NCAM2: variants seen among roughly 807,000 people sequenced by gnomAD.
NCAM2 encodes the protein N-CAM-2.
NCAM2 carries 30 observed loss-of-function variants against 98.1 expected under a neutral mutation model. The observed-to-expected ratio is 0.31, with a 90% CI of 0.23 to 0.41. The LOEUF (loss-of-function observed/expected upper bound fraction) is 0.41, where lower values mean the gene tolerates loss of function less well. Ranked by LOEUF, NCAM2 falls within the 10% of genes least tolerant of loss-of-function variation. The probability of loss-of-function intolerance (pLI) is 1.00; values close to 1 mark genes in which losing one functional copy is unlikely to be tolerated. For missense variants in NCAM2, 867 were observed against 1,005.8 expected (o/e 0.86, Z 1.87); for synonymous variants, 368 against 342.4 (o/e 1.07, Z -0.83).
At position 20,998,569 on chromosome 21, in the gene NCAM2, C is replaced by A. The variant is rs766486109; in HGVS notation, c.6C>A (p.Ser2Arg). The A allele has an allele frequency of 1.9e-6, 3 of 1,613,968 alleles. No individual in the cohort carries two copies. In the Admixed American group the frequency reaches 5.0e-5, roughly 27 times the overall value. Residue 2 changes from serine (S) to arginine (R), a missense_variant, in exon 1 of 18, where the codon AGC becomes AGA. Physicochemically the swap from Ser to Arg is moderately radical, Grantham distance 110 (BLOSUM62 -1). This residue lies in a region of NCAM2 where 447 missense variants were observed against 495.7 expected (regional missense o/e 0.90). Coordinates refer to ENST00000400546, the MANE Select transcript of NCAM2 (RefSeq NM_004540.5). M[S>R]LLLSFYLLGL... Reference sequence around the variant, plus strand: ...ACCGGTGTCACGTCCTGAACATGAGCCTCCTCCTCTCCTTCTACCTGCTGG... The same window carrying A: ...ACCGGTGTCACGTCCTGAACATGAGACTCCTCCTCTCCTTCTACCTGCTGG...
At chr21:21,283,217 A>C (rs1477185609) in intron 2 of NCAM2, among the ~76,000 whole-genome samples, 1 of 151,974 alleles carries the variant, frequency 6.6e-6, no homozygotes, top group Non-Finnish European at 1.5e-5. Context: ...AAAGGAGGAT[A>C]ATTTGTTTCT....
chr21:21,110,586 A>G (rs1418151957), intron 1 of NCAM2, among the ~76,000 whole-genome samples: 7 of 150,802 alleles, frequency 4.6e-5, no homozygotes, highest in Non-Finnish European at 8.9e-5. Flanking sequence ...AATAACTCAT[A>G]CAAGGCATTC....
At chr21:21,279,279 C>T (rs956406586) in intron 1 of NCAM2, among the ~76,000 whole-genome samples, 14 of 152,200 alleles carry the variant, frequency 9.2e-5, no homozygotes, top group Non-Finnish European at 1.9e-4. Flanking sequence ...CTTGTAATCT[C>T]CCTTCACCAT....
chr21:21,063,655 A>G lies in NCAM2; in HGVS notation c.55+65037A>G, dbSNP rs533339781. 4.9e-4 allele frequency among the ~76,000 whole-genome samples: 75 copies of G among 152,064 alleles called. 1 individual carries two copies. Among genetic ancestry groups the G allele is most frequent in the Non-Finnish European group, 1.9e-4 (13 of 68,000 alleles). On this transcript the variant is annotated intron_variant, in intron 1 of 17. Transcript: ENST00000400546. ...TATGTGTGTAGAACTTTCGAAAGAAAAGAAGGAAAAATAAAGCAAAACAAA... is the reference window on the plus strand; with the variant it reads ...TATGTGTGTAGAACTTTCGAAAGAAGAGAAGGAAAAATAAAGCAAAACAAA...
Position 21,149,548 on chromosome 21 carries a change from T to C in NCAM2, c.56-131030T>C, listed in dbSNP as rs138819105. Among the ~76,000 whole-genome samples the C allele has an allele frequency of 6.5e-3, 989 of 152,210 alleles. 15 individuals are homozygous for C. Among genetic ancestry groups the C allele is most frequent in the African/African-American group, 0.023 (964 of 41,518 alleles). The stretch of plus-strand genomic sequence containing the variant: ...CCCTGCATGCATTAGGTATTTATCC[T>C]AATGCTCTCCCTCCCCTTGCCCCCC... On this transcript the variant is annotated intron_variant, in intron 1 of 17. Transcript: ENST00000400546.
intron 12 of NCAM2, among the ~76,000 whole-genome samples, chr21:21,450,793 T>TGTATACAC (rs751489970): frequency 1.0e-4 from 15 of 143,426 alleles, no homozygotes; most frequent in African/African-American, 4.0e-4. Flanking sequence ...TATGTATGTA[T>TGTATACAC]ACACACACAC....
At chr21:21,398,738 C>A (rs1337977827) in intron 9 of NCAM2, among the ~76,000 whole-genome samples, 1 of 152,066 alleles carries the variant, frequency 6.6e-6, no homozygotes, top group Non-Finnish European at 1.5e-5. Context: ...ATGAACTGGG[C>A]AAGAGAGCTC....
chr21:21,473,159 G>C (rs1253297229), intron 14 of NCAM2, among the ~76,000 whole-genome samples: 1 of 151,044 alleles, frequency 6.6e-6, no homozygotes, highest in Non-Finnish European at 1.5e-5. Context: ...GGAGACTTTT[G>C]TGCCTCTACC....
intron 1 of NCAM2, among the ~76,000 whole-genome samples, chr21:21,089,205 TA>T (rs1378940152): frequency 6.6e-6 from 1 of 152,142 alleles, no homozygotes; most frequent in Non-Finnish European, 1.5e-5. Flanking sequence ...AAAATATGAT[TA>T]AAAAATTACC....
At chr21:21,041,065 T>A (rs1463059539) in intron 1 of NCAM2, among the ~76,000 whole-genome samples, 1 of 152,018 alleles carries the variant, frequency 6.6e-6, no homozygotes, top group African/African-American at 2.4e-5. Flanking sequence ...TATGTGCCAT[T>A]TAAAAATAAT....
intron 4 of NCAM2, among the ~76,000 whole-genome samples, chr21:21,291,718 C>T (rs189277328): frequency 6.6e-6 from 1 of 151,620 alleles, no homozygotes; most frequent in African/African-American, 2.4e-5. Context: ...AATTTTCTAG[C>T]CCTTTTCCAC....
chr21:21,488,583 T>G (rs986734847), intron 15 of NCAM2, among the ~76,000 whole-genome samples: 1 of 151,990 alleles, frequency 6.6e-6, no homozygotes, highest in Non-Finnish European at 1.5e-5. Context: ...GATACTGATA[T>G]CAATACAATA....
rs145667406 is a variant in NCAM2 at position 21,333,955 on chromosome 21, T to C, written c.738-1550T>C. Among the ~76,000 whole-genome samples, 616 of 152,126 alleles carry C rather than the reference T, an allele frequency of 4.0e-3. 1 individual carries two copies. The highest frequency in any genetic ancestry group is 7.5e-3 in the Non-Finnish European group (513 of 67,992). ...ATATATAAAAGATACTATATATGCA[T>C]TTATTATTATTTTTTTTTTCGGACA... is the stretch of plus-strand genomic sequence containing the variant. On this transcript the variant is annotated intron_variant, in intron 6 of 17. Transcript: ENST00000400546.
intron 9 of NCAM2, among the ~76,000 whole-genome samples, chr21:21,384,387 T>C (rs2076219416): frequency 6.6e-6 from 1 of 151,920 alleles, no homozygotes; most frequent in Non-Finnish European, 1.5e-5. Context: ...TGTTATAAAT[T>C]ACTTGTGAGT....
At chr21:21,522,467 C>A (rs1230434493) in intron 16 of NCAM2, among the ~76,000 whole-genome samples, 1 of 151,136 alleles carries the variant, frequency 6.6e-6, no homozygotes, top group African/African-American at 2.4e-5. Context: ...AGAGAGAAAA[C>A]CCCGCTAGTA....
At chr21:21,084,425 T>C (rs191933066) in intron 1 of NCAM2, among the ~76,000 whole-genome samples, 15 of 152,338 alleles carry the variant, frequency 9.8e-5, no homozygotes, top group African/African-American at 3.6e-4. Flanking sequence ...GTTGTTCTTT[T>C]ATAACCACAC....
intron 1 of NCAM2, among the ~76,000 whole-genome samples, chr21:21,202,541 C>A (rs1423781415): frequency 6.6e-6 from 1 of 150,994 alleles, no homozygotes; most frequent in South Asian, 2.1e-4. Context: ...CTCAGCCTCC[C>A]AAGTAGCTGG....
chr21:21,257,860 C>T (rs1393764186), intron 1 of NCAM2, among the ~76,000 whole-genome samples: 2 of 152,206 alleles, frequency 1.3e-5, no homozygotes, highest in African/African-American at 4.8e-5. Context: ...GGATTACAGG[C>T]ATGAGCCACT....
chr21:21,523,682 A>G (rs1450680176), intron 16 of NCAM2, among the ~76,000 whole-genome samples: 1 of 152,032 alleles, frequency 6.6e-6, no homozygotes, highest in Non-Finnish European at 1.5e-5. Flanking sequence ...AACTCTTGCT[A>G]CCCATTAAGA....
Sources: allele counts gnomAD v4.1 joint callset (sites outside exome capture counted in the v4.1 genomes callset), GRCh38; gene constraint gnomAD v4.1.1; regional missense constraint gnomAD v4.1.1; transcripts MANE v1.5; gene names NCBI Gene and HGNC (gene_info 2026-07-23, HGNC 2026-07-21).